Variants in PAICS observed in about 807,000 individuals in gnomAD.
The protein encoded by PAICS is bifunctional phosphoribosylaminoimidazole carboxylase/phosphoribosylaminoimidazole succinocarboxamide synthetase.
In PAICS, 33 loss-of-function variants were observed where a neutral mutation model predicts 53.7. The observed-to-expected ratio is 0.61, with a 90% CI of 0.47 to 0.82. The LOEUF is 0.82. Among genes scored for constraint, PAICS ranks in the 40% least tolerant of loss-of-function variants. The pLI, the probability that PAICS is intolerant of heterozygous loss-of-function variation, is 0.00. For synonymous variants in PAICS, 141 were observed against 167.2 expected (o/e 0.84, Z 1.21); for missense variants, 394 against 494.1 (o/e 0.80, Z 1.92).
At chr4:56,434,041 C>T (rs1459116505), upstream of PAICS, among the ~76,000 whole-genome samples, 1 of 152,146 alleles carries the variant, frequency 6.6e-6, no homozygotes, top group Non-Finnish European at 1.5e-5. Flanking sequence ...ACCACATAAT[C>T]AAGAGTTTAC....
upstream of PAICS, chr4:56,436,224 C>G: frequency 1.3e-6 from 2 of 1,538,748 alleles, no homozygotes; most frequent in Admixed American, 2.0e-5. Flanking sequence ...GCCTCCTTCC[C>G]CGCCCAGCGA....
chr4:56,435,990 G>A, upstream of PAICS: 1 of 1,522,682 alleles, frequency 6.6e-7, no homozygotes, highest in Non-Finnish European at 8.9e-7. Flanking sequence ...GCGAGCTTCC[G>A]CAGAGTGGGG....
chr4:56,452,006 G>C lies in PAICS; in HGVS notation c.906G>C (p.Ala302=), dbSNP rs776423311. The change falls in exon 7 of 9, where the codon GCG becomes GCC. Residue 302 remains alanine, a synonymous_variant. Coordinates refer to ENST00000512576, the MANE Select transcript of PAICS (RefSeq NM_001079524.2). ...GIPCELRVTS[A]HKGPDETLRI... ...CATGTGAACTTCGAGTAACATCTGCGCATAAAGGACCAGATGAAACTCTGA... is the reference window on the plus strand; with the variant it reads ...CATGTGAACTTCGAGTAACATCTGCCCATAAAGGACCAGATGAAACTCTGA... The C allele has an allele frequency of 2.5e-6, 4 of 1,608,584 alleles. No homozygotes were observed. Among genetic ancestry groups the C allele is most frequent in the Non-Finnish European group, 3.4e-6 (4 of 1,177,016 alleles).
At chr4:56,425,146 C>A in the PAICS span, among the ~76,000 whole-genome samples, 7 of 152,264 alleles carry the variant, frequency 4.6e-5, no homozygotes, top group East Asian at 1.4e-3. Context: ...TCTACTGTTA[C>A]CATCTCAAAG....
In PAICS at chr4:56,449,099, C is replaced by G. The variant is rs1367376188; in HGVS notation, c.687+276C>G. ...TTATCTTTGTTTGGCTAAATGAAAA[C>G]TAAGGGTCTTAAGAGGATGGGTATC... On this transcript the variant is annotated intron_variant, in intron 5 of 8. Coordinates refer to ENST00000512576, the MANE Select transcript of PAICS (RefSeq NM_001079524.2). Among the ~76,000 whole-genome samples the G allele has an allele frequency of 2.0e-5, 3 of 152,226 alleles. No homozygotes were observed. In the East Asian group the frequency reaches 5.8e-4, roughly 29 times the overall value.
chr4:56,456,312 G>A (rs889897759), intron 8 of PAICS, among the ~76,000 whole-genome samples: 1 of 152,132 alleles, frequency 6.6e-6, no homozygotes, highest in Non-Finnish European at 1.5e-5. Context: ...GGCTGGTCTC[G>A]AACTCTTGAC....
chr4:56,436,561 G>A, intron 1 of PAICS: 1 of 705,370 alleles, frequency 1.4e-6, no homozygotes, highest in Middle Eastern at 2.3e-4. Context: ...GGGGTGGAAA[G>A]GTGCCTGGAA....
intron 5 of PAICS, among the ~76,000 whole-genome samples, chr4:56,449,391 A>G (rs1452023980): frequency 6.6e-6 from 1 of 152,214 alleles, no homozygotes; most frequent in Non-Finnish European, 1.5e-5. Context: ...GGCTATGAAG[A>G]AATAGGAACG....
upstream of PAICS, chr4:56,431,530 G>T: frequency 1.2e-5 from 12 of 981,492 alleles, no homozygotes; most frequent in Non-Finnish European, 1.5e-5. Flanking sequence ...TCTGCAGACA[G>T]AAAACCCAAC....
upstream of PAICS, chr4:56,435,570 C>T: frequency 6.9e-6 from 11 of 1,592,628 alleles, no homozygotes; most frequent in Non-Finnish European, 7.7e-6. Flanking sequence ...CTCAGAAGCT[C>T]GCGCTCGCGA....
At chr4:56,414,876 C>T in the PAICS span, among the ~76,000 whole-genome samples, 2 of 152,142 alleles carry the variant, frequency 1.3e-5, no homozygotes, top group African/African-American at 2.4e-5. Context: ...AAACATTCCT[C>T]GACAACATTT....
upstream of PAICS, chr4:56,436,175 G>A (rs531885961): frequency 6.4e-5 from 96 of 1,504,584 alleles, no homozygotes; most frequent in Non-Finnish European, 7.7e-5. Flanking sequence ...GGCGGCTGTA[G>A]CGGAGCTCGA....
intron 2 of PAICS, chr4:56,446,268 CTG>C (rs79900552): frequency 0.092 from 60,478 of 655,676 alleles, 3,239 homozygotes; most frequent in East Asian, 0.23. Flanking sequence ...CCCAAACAAA[CTG>C]TGTAGCATTA....
At chr4:56,420,377 T>C in the PAICS span, 4 of 152,196 alleles carry the variant, frequency 2.6e-5, no homozygotes, top group East Asian at 7.7e-4. Context: ...GCTCAAAAAG[T>C]TTCAAATTTT....
chr4:56,439,340 G>A (rs1180661495), intron 1 of PAICS, among the ~76,000 whole-genome samples: 3 of 152,130 alleles, frequency 2.0e-5, no homozygotes, highest in African/African-American at 4.8e-5. Flanking sequence ...AGGTTCAAGC[G>A]ATTTTCCTGC....
upstream of PAICS, chr4:56,431,291 T>A (rs1023025101): frequency 4.5e-6 from 1 of 219,970 alleles, no homozygotes; most frequent in Non-Finnish European, 7.7e-6. Context: ...TCTCTGACAA[T>A]CAAATCCTGT....
chr4:56,462,625 C>T lies in PAICS; in HGVS notation c.*3087C>T, dbSNP rs1019490978. The T allele has an allele frequency of 7.9e-4, 120 of 152,290 alleles. No individual in the cohort carries two copies. Among genetic ancestry groups the T allele is most frequent in the African/African-American group, 2.7e-3 (113 of 41,568 alleles). 9.4% of individuals were successfully genotyped at this position (152,290 alleles called of 1,614,324 possible). On this transcript the variant is annotated 3_prime_UTR_variant, in exon 9 of 9. Transcript: ENST00000512576. The stretch of plus-strand genomic sequence containing the variant: ...ATGAGTCAATATATGTAAGGCCCAT[C>T]ATGGCACACAAATGTGTTATGTAAT...
chr4:56,441,852 A>G lies in PAICS; in HGVS notation c.206A>G (p.Gln69Arg). 1 of 1,592,880 alleles carries G rather than the reference A, an allele frequency of 6.3e-7. No homozygotes were observed. Among genetic ancestry groups the G allele is most frequent in the Non-Finnish European group, 8.6e-7 (1 of 1,169,012 alleles). Residue 69 changes from glutamine to arginine, a missense_variant, in exon 2 of 9, where the codon CAG (glutamine) becomes CGG (arginine). Transcript: ENST00000512576. ...ACCAGTTGTATTTTTCAGTTATTAC[A>G]GGAAGCAGGTAAGCAGCTCCCTCAA... ...KITSCIFQLL[Q>R]EAGIKTAFTR...
intron 1 of PAICS, among the ~76,000 whole-genome samples, chr4:56,436,769 C>G (rs887959768): frequency 6.6e-6 from 1 of 152,082 alleles, no homozygotes; most frequent in African/African-American, 2.4e-5. Flanking sequence ...CCAAGGCGGG[C>G]GGATCACCTG....
Sources: gnomAD v4.1 joint callset for allele counts (sites outside exome capture counted in the v4.1 genomes callset) on GRCh38, gnomAD v4.1.1 for gene constraint, MANE v1.5 for transcripts, NCBI Gene and HGNC (gene_info 2026-07-23, HGNC 2026-07-21) for gene names.